LRCH1: variants seen among roughly 807,000 people sequenced by gnomAD.
LRCH1 encodes the protein leucine-rich repeat and calponin homology domain-containing protein 1.
In LRCH1, 23 loss-of-function variants were observed where a neutral mutation model predicts 94.9. That is an observed-to-expected ratio of 0.24 (90% confidence interval 0.17 to 0.34). LRCH1 has a LOEUF of 0.34. Among genes scored for constraint, LRCH1 ranks in the 10% least tolerant of loss-of-function variants. The probability of loss-of-function intolerance (pLI) is 1.00; values close to 1 mark genes in which losing one functional copy is unlikely to be tolerated. For synonymous variants in LRCH1, 364 were observed against 354.9 expected, an observed-to-expected ratio of 1.03 and a Z score of -0.29; for missense variants, 790 against 945.9, an observed-to-expected ratio of 0.84 and a Z score of 2.16.
intron 1 of LRCH1, among the ~76,000 whole-genome samples, chr13:46,555,124 CA>C (rs1222473186): frequency 2.0e-5 from 3 of 152,028 alleles, no homozygotes; most frequent in Admixed American, 6.6e-5. Context: ...CAGGAATCGG[CA>C]AAAAAGAGGG....
At chr13:46,554,157 C>T (rs2137886389) in intron 1 of LRCH1, among the ~76,000 whole-genome samples, 1 of 152,366 alleles carries the variant, frequency 6.6e-6, no homozygotes, top group East Asian at 1.9e-4. Flanking sequence ...GCCGTCTTTG[C>T]ATCGAGGCGT....
At chr13:46,645,605 T>C (rs1280761109) in intron 1 of LRCH1, among the ~76,000 whole-genome samples, 1 of 152,250 alleles carries the variant, frequency 6.6e-6, no homozygotes, top group Non-Finnish European at 1.5e-5. Context: ...ACTTTAATAT[T>C]ACCTATTCAG....
intron 1 of LRCH1, among the ~76,000 whole-genome samples, chr13:46,631,109 CTG>C (rs1242131352): frequency 6.6e-6 from 1 of 152,314 alleles, no homozygotes; most frequent in South Asian, 2.1e-4. Context: ...TTTTGGAAAA[CTG>C]TAATTTTGTT....
Position 46,606,924 on chromosome 13 carries a change from A to T in LRCH1, c.308-43277A>T, listed in dbSNP as rs80147672. On this transcript the variant is annotated intron_variant, in intron 1 of 19. Transcript: ENST00000389797. ...CTAAGAGAAGAGGGCATTCCATGCC[A>T]CACAGGGCCAGGAGGAGAAGCACCT... Among the ~76,000 whole-genome samples, 85 of 152,288 alleles carry T rather than the reference A, an allele frequency of 5.6e-4. No individual in the cohort carries two copies. In the East Asian group the frequency reaches 0.014, roughly 24 times the overall value.
At chr13:46,613,130 G>A (rs2050765695) in intron 1 of LRCH1, among the ~76,000 whole-genome samples, 2 of 152,132 alleles carry the variant, frequency 1.3e-5, no homozygotes, top group African/African-American at 4.8e-5. Context: ...GGTGGCTCAC[G>A]CCTGTAATCC....
chr13:46,595,508 T>G (rs1179315208), intron 1 of LRCH1, among the ~76,000 whole-genome samples: 1 of 152,270 alleles, frequency 6.6e-6, no homozygotes, highest in Non-Finnish European at 1.5e-5. Flanking sequence ...AGCTAACTTT[T>G]GTAGCTCTCC....
At chr13:46,632,335 A>C (rs1379816120) in intron 1 of LRCH1, among the ~76,000 whole-genome samples, 3 of 152,194 alleles carry the variant, frequency 2.0e-5, no homozygotes, top group Non-Finnish European at 4.4e-5. Context: ...GCTAGTTAAG[A>C]AGCATTTTTT....
chr13:46,748,277 A>ATT (rs202046957), downstream of LRCH1, among the ~76,000 whole-genome samples: 1 of 143,638 alleles, frequency 7.0e-6, no homozygotes, highest in African/African-American at 2.5e-5. Flanking sequence ...GGTGTTGTAG[A>ATT]TTTTTTTTTT....
At chr13:46,673,244 A>C (rs2051624846) in intron 3 of LRCH1, among the ~76,000 whole-genome samples, 1 of 152,102 alleles carries the variant, frequency 6.6e-6, no homozygotes, top group African/African-American at 2.4e-5. Flanking sequence ...TGGATTCGGC[A>C]GCTCCGTCAC....
chr13:46,715,850 A>C (rs1408307529), intron 16 of LRCH1, among the ~76,000 whole-genome samples, 186 bp downstream of exon 16: 1 of 152,144 alleles, frequency 6.6e-6, no homozygotes, highest in Non-Finnish European at 1.5e-5. Context: ...CAGTTTGTCA[A>C]ACTCCAGTTT....
At chr13:46,585,421 C>T (rs988305539) in intron 1 of LRCH1, among the ~76,000 whole-genome samples, 1 of 151,880 alleles carries the variant, frequency 6.6e-6, no homozygotes, top group East Asian at 1.9e-4. Context: ...ACTAAAAATA[C>T]AAAAAATTAG....
intron 1 of LRCH1, among the ~76,000 whole-genome samples, chr13:46,586,040 TAAAATTTGTTTTGAGTTTTA>T (rs1250155126): frequency 6.6e-6 from 1 of 152,232 alleles, no homozygotes; most frequent in Admixed American, 6.5e-5. Flanking sequence ...TGTTTTATTT[TAAAATTTGTTTTGAGTTTTA>T]TAACTTTAAA....
At chr13:46,679,438 C>A (rs188694105) in intron 3 of LRCH1, among the ~76,000 whole-genome samples, 2 of 152,202 alleles carry the variant, frequency 1.3e-5, no homozygotes, top group African/African-American at 4.8e-5. Flanking sequence ...TTCTCTTCTC[C>A]CATGTGGAAA....
At chr13:46,671,184 G>A (rs548162662) in intron 3 of LRCH1, among the ~76,000 whole-genome samples, 9 of 152,246 alleles carry the variant, frequency 5.9e-5, no homozygotes, top group South Asian at 2.1e-4. Flanking sequence ...CTTCCTCCCC[G>A]CTCCTTTCTT....
chr13:46,561,021 T>C (rs903051101), intron 1 of LRCH1, among the ~76,000 whole-genome samples: 1 of 152,252 alleles, frequency 6.6e-6, no homozygotes, highest in African/African-American at 2.4e-5. Context: ...AATGCTTTTA[T>C]AGTCAGATTT....
intron 1 of LRCH1, among the ~76,000 whole-genome samples, chr13:46,605,129 G>A (rs187088906): frequency 4.1e-4 from 63 of 152,258 alleles, no homozygotes; most frequent in South Asian, 8.3e-4. Context: ...TGAAATAATC[G>A]TCACCTGTCC....
In LRCH1 at chr13:46,701,212, GTA is replaced by G; in HGVS notation, c.1400+7_1400+8del. 6.2e-7 allele frequency: 1 copy of G among 1,600,500 alleles called. No homozygotes were observed. On this transcript the variant is annotated splice_donor_region_variant and intron_variant, in intron 11 of 19. Coordinates refer to ENST00000389797, the MANE Select transcript of LRCH1 (RefSeq NM_001164211.2). ...TTTGCTGCAAGATCCCAATGGGTGT[GTA>G]TGTCTCCTTGGTCCAGGTTTCATGT...
intron 18 of LRCH1, among the ~76,000 whole-genome samples, chr13:46,729,965 A>G (rs1873017819): frequency 6.6e-6 from 1 of 152,190 alleles, no homozygotes; most frequent in Admixed American, 6.5e-5. Flanking sequence ...GAGGAGATAG[A>G]GCCTGCACTC....
At chr13:46,681,896 T>G in intron 4 of LRCH1, 50 bp downstream of exon 4, 1 of 1,230,532 alleles carries the variant, frequency 8.1e-7, no homozygotes, top group Non-Finnish European at 1.2e-6. Context: ...TGCATTATTT[T>G]ATGTTTTGGG....
Sources: gnomAD v4.1 joint callset for allele counts (sites outside exome capture counted in the v4.1 genomes callset) on GRCh38, gnomAD v4.1.1 for gene constraint, MANE v1.5 for transcripts, NCBI Gene and HGNC (gene_info 2026-07-23, HGNC 2026-07-21) for gene names.